PIERCE1: variants seen among roughly 807,000 people sequenced by gnomAD.
The protein encoded by PIERCE1 is piercer of microtubule wall 1.
chr9:135,499,754 T>C, the PIERCE1 span: 593 of 1,607,572 alleles, frequency 3.7e-4, 6 homozygotes, highest in East Asian at 0.011. Flanking sequence ...GCCCGGCAGG[T>C]CCGCGCTCAC....
chr9:135,496,285 C>T, the PIERCE1 span, among the ~76,000 whole-genome samples: 1 of 152,258 alleles, frequency 6.6e-6, no homozygotes, highest in Admixed American at 6.5e-5. Flanking sequence ...CCATTGCAGT[C>T]CTGCCTGGGC....
the PIERCE1 span, chr9:135,495,491 G>A: frequency 1.9e-6 from 3 of 1,613,984 alleles, no homozygotes; most frequent in African/African-American, 2.7e-5. Flanking sequence ...GTCACAGGAG[G>A]TGATGCAGTT....
chr9:135,498,797 G>T, the PIERCE1 span: 1 of 778,184 alleles, frequency 1.3e-6, no homozygotes, highest in Non-Finnish European at 2.2e-6. The surrounding 1 kb of genome is among the most constrained non-coding windows in gnomAD (Gnocchi z 4.1). Context: ...TGGTGATGTG[G>T]CCTCGAAGGC....
chr9:135,496,813 T>G, the PIERCE1 span, among the ~76,000 whole-genome samples: 1 of 150,426 alleles, frequency 6.6e-6, no homozygotes, highest in African/African-American at 2.5e-5. Context: ...TTTTTTTTTT[T>G]GAGATGGAGT....
At chr9:135,498,553 GC>G in the PIERCE1 span, 2 of 1,603,328 alleles carry the variant, frequency 1.2e-6, no homozygotes, top group African/African-American at 1.3e-5. This position sits in a 1 kb window ranked among gnomAD's most constrained non-coding sequence, Gnocchi z 4.1. Flanking sequence ...CCCACCCCCT[GC>G]CCCCCATGCC....
At chr9:135,497,954 CCA>C in the PIERCE1 span, among the ~76,000 whole-genome samples, 10 of 152,198 alleles carry the variant, frequency 6.6e-5, no homozygotes, top group Non-Finnish European at 1.3e-4. Flanking sequence ...AATGGCTGGC[CCA>C]GTGTCCCAGG....
chr9:135,498,802 G>C, the PIERCE1 span: 6 of 751,388 alleles, frequency 8.0e-6, no homozygotes, highest in Non-Finnish European at 1.4e-5. This position sits in a 1 kb window ranked among gnomAD's most constrained non-coding sequence, Gnocchi z 4.1. Context: ...ATGTGGCCTC[G>C]AAGGCAGCCT....
chr9:135,499,001 C>A, the PIERCE1 span: 1 of 306,764 alleles, frequency 3.3e-6, no homozygotes, highest in Non-Finnish European at 6.2e-6. Context: ...TTGTCAGGAG[C>A]GGAGGCTTGG....
chr9:135,498,730 T>C, the PIERCE1 span: 1 of 1,461,730 alleles, frequency 6.8e-7, no homozygotes, highest in South Asian at 1.1e-5. The surrounding 1 kb of genome is among the most constrained non-coding windows in gnomAD (Gnocchi z 4.1). Flanking sequence ...CAGCCTTGTA[T>C]TTGGTTGACG....
chr9:135,495,336 C>T, the PIERCE1 span: 183 of 1,200,250 alleles, frequency 1.5e-4, 1 homozygote, highest in East Asian at 3.6e-3. Flanking sequence ...CAGTCTGTGC[C>T]GTCACAATCG....
chr9:135,498,285 T>A, the PIERCE1 span, among the ~76,000 whole-genome samples: 2 of 152,102 alleles, frequency 1.3e-5, no homozygotes, highest in Admixed American at 6.6e-5. This position sits in a 1 kb window ranked among gnomAD's most constrained non-coding sequence, Gnocchi z 4.1. Flanking sequence ...TGTGTGTGTG[T>A]GAGACTGCTG....
the PIERCE1 span, chr9:135,498,682 T>C: frequency 6.2e-7 from 1 of 1,604,760 alleles, no homozygotes. This position sits in a 1 kb window ranked among gnomAD's most constrained non-coding sequence, Gnocchi z 4.1. Flanking sequence ...TGAGAAACAC[T>C]CTATTTTCAT....
At chr9:135,498,772 G>T in the PIERCE1 span, 1 of 1,003,064 alleles carries the variant, frequency 1.0e-6, no homozygotes. The surrounding 1 kb of genome is among the most constrained non-coding windows in gnomAD (Gnocchi z 4.1). Flanking sequence ...CATGGAAAGA[G>T]CAATATGCCC....
At chr9:135,499,243 G>T in the PIERCE1 span, among the ~76,000 whole-genome samples, 2 of 152,254 alleles carry the variant, frequency 1.3e-5, no homozygotes, top group African/African-American at 4.8e-5. Context: ...CTGCCCTAGA[G>T]GACTGTTGAG....
At chr9:135,495,809 C>G in the PIERCE1 span, among the ~76,000 whole-genome samples, 1 of 152,186 alleles carries the variant, frequency 6.6e-6, no homozygotes, top group East Asian at 1.9e-4. Flanking sequence ...GCCCCCGGCA[C>G]TGTTCTAAGG....
the PIERCE1 span, chr9:135,495,325 G>T: frequency 9.2e-7 from 1 of 1,082,600 alleles, no homozygotes. Flanking sequence ...GGAAGGCAGC[G>T]CAGTCTGTGC....
the PIERCE1 span, chr9:135,499,744 G>A: frequency 6.2e-7 from 1 of 1,607,902 alleles, no homozygotes; most frequent in Non-Finnish European, 8.5e-7. Flanking sequence ...TGTTGAACCT[G>A]CCCGGCAGGT....
chr9:135,498,259 G>C, the PIERCE1 span, among the ~76,000 whole-genome samples: 1 of 152,064 alleles, frequency 6.6e-6, no homozygotes, highest in South Asian at 2.1e-4. The surrounding 1 kb of genome is among the most constrained non-coding windows in gnomAD (Gnocchi z 4.1). Flanking sequence ...ACCGTAAGTT[G>C]CAGGAGATGG....
the PIERCE1 span, among the ~76,000 whole-genome samples, chr9:135,497,089 G>A: frequency 8.6e-5 from 13 of 151,980 alleles, no homozygotes; most frequent in African/African-American, 3.1e-4. Context: ...GAGCCACCAC[G>A]CCCAGCCTTT....
Sources: allele counts gnomAD v4.1 joint callset (sites outside exome capture counted in the v4.1 genomes callset), GRCh38; gene constraint gnomAD v4.1.1; non-coding constraint Gnocchi (gnomAD v3.1); transcripts MANE v1.5; gene names NCBI Gene and HGNC (gene_info 2026-07-23, HGNC 2026-07-21).